Variants in ADGB observed in about 807,000 individuals in gnomAD.
The protein encoded by ADGB is calpain-7-like protein.
Under a neutral mutation model 210.5 loss-of-function variants are expected in ADGB, and 172 were observed. The ratio of observed to expected loss-of-function variants is 0.82; its 90% CI spans 0.72 to 0.93. The LOEUF (loss-of-function observed/expected upper bound fraction) is 0.93. Among genes scored for constraint, ADGB ranks in the 40% least tolerant of loss-of-function variants. The pLI, the probability that ADGB is intolerant of heterozygous loss-of-function variation, is 0.00. For missense variants in ADGB, 2,025 were observed against 1,964.8 expected (o/e 1.03, Z -0.58); for synonymous variants, 658 against 662.7 (o/e 0.99, Z 0.11).
At chr6:146,749,336 C>A (rs1225364084) in intron 26 of ADGB, among the ~76,000 whole-genome samples, 1 of 152,136 alleles carries the variant, frequency 6.6e-6, no homozygotes, top group Non-Finnish European at 1.5e-5. Context: ...TATTCTGTTA[C>A]TGCTCATGGA....
intron 1 of ADGB, among the ~76,000 whole-genome samples, chr6:146,632,582 C>T (rs1333228838): frequency 6.6e-6 from 1 of 152,136 alleles, no homozygotes; most frequent in Non-Finnish European, 1.5e-5. Flanking sequence ...TCTCAGTGTT[C>T]ACAGTTATTT....
intron 17 of ADGB, among the ~76,000 whole-genome samples, chr6:146,722,186 T>C (rs545784508): frequency 6.6e-6 from 1 of 152,210 alleles, no homozygotes; most frequent in Admixed American, 6.5e-5. Flanking sequence ...GTCCCCTACT[T>C]TCATGGTTAC....
At chr6:146,666,532 T>G (rs1395534059) in intron 6 of ADGB, among the ~76,000 whole-genome samples, 1 of 151,958 alleles carries the variant, frequency 6.6e-6, no homozygotes, top group Non-Finnish European at 1.5e-5. Flanking sequence ...TATTTCATAA[T>G]ATATAATGTG....
intron 23 of ADGB, among the ~76,000 whole-genome samples, chr6:146,736,976 T>TA (rs374482285): frequency 2.6e-5 from 4 of 151,544 alleles, no homozygotes; most frequent in Admixed American, 6.6e-5. Flanking sequence ...GATCGAACCT[T>TA]AAAAAAACTG....
chr6:146,650,394 C>T (rs1301176615), intron 3 of ADGB, among the ~76,000 whole-genome samples: 1 of 151,932 alleles, frequency 6.6e-6, no homozygotes. Context: ...TTAGAAGACT[C>T]TCCTTAACTC....
chr6:146,642,541 T>A (rs1775533242), intron 2 of ADGB, among the ~76,000 whole-genome samples: 1 of 151,598 alleles, frequency 6.6e-6, no homozygotes, highest in Admixed American at 6.6e-5. Flanking sequence ...ACACTATGGA[T>A]ACATATACAC....
intron 20 of ADGB, among the ~76,000 whole-genome samples, chr6:146,728,977 T>A (rs1776939087): frequency 6.6e-6 from 1 of 152,232 alleles, no homozygotes; most frequent in African/African-American, 2.4e-5. Flanking sequence ...GGAAATCAGC[T>A]ATGCAGGGTG....
intron 3 of ADGB, among the ~76,000 whole-genome samples, chr6:146,652,001 C>T (rs549090774): frequency 6.6e-6 from 1 of 152,260 alleles, no homozygotes; most frequent in East Asian, 1.9e-4. Flanking sequence ...CACAGAGTAA[C>T]TTACCAGACC....
chr6:146,599,981 G>C (rs1471807692), intron 1 of ADGB, among the ~76,000 whole-genome samples: 1 of 152,140 alleles, frequency 6.6e-6, no homozygotes, highest in Admixed American at 6.5e-5. Flanking sequence ...CTTGATGCCT[G>C]TTTCTCCATT....
intron 13 of ADGB, among the ~76,000 whole-genome samples, chr6:146,707,138 G>T (rs1265494048): frequency 6.6e-6 from 1 of 151,868 alleles, no homozygotes; most frequent in Non-Finnish European, 1.5e-5. Context: ...ATGTATTTGT[G>T]AATTTTCTGA....
chr6:146,803,652 G>T, intron 35 of ADGB: 2 of 1,304,036 alleles, frequency 1.5e-6, no homozygotes, highest in Admixed American at 3.5e-5. Flanking sequence ...TCAATGAAAT[G>T]ATCCTCAATC....
intron 4 of ADGB, among the ~76,000 whole-genome samples, chr6:146,654,995 T>C (rs1290487790): frequency 6.6e-6 from 1 of 152,168 alleles, no homozygotes; most frequent in Non-Finnish European, 1.5e-5. Flanking sequence ...AACCACCGTT[T>C]CTCTATCTGT....
chr6:146,760,786 C>T (rs1336435886), intron 27 of ADGB, among the ~76,000 whole-genome samples: 2 of 151,626 alleles, frequency 1.3e-5, no homozygotes, highest in East Asian at 3.9e-4. Context: ...GTTTTTAATC[C>T]ATCATTCTAG....
chr6:146,733,789 T>G, intron 21 of ADGB, 104 bp from the exon 22 acceptor site: 3 of 1,213,694 alleles, frequency 2.5e-6, no homozygotes, highest in South Asian at 2.7e-5. Context: ...ACTCTTGCAA[T>G]GTAGAATTTT....
intron 1 of ADGB, among the ~76,000 whole-genome samples, chr6:146,624,135 G>A (rs1318643354): frequency 3.3e-5 from 5 of 151,736 alleles, no homozygotes; most frequent in Non-Finnish European, 1.5e-5. Context: ...GGATATGTTA[G>A]TGGAGAATTG....
intron 35 of ADGB, among the ~76,000 whole-genome samples, chr6:146,808,159 C>T (rs1449402675): frequency 1.3e-5 from 2 of 151,996 alleles, no homozygotes; most frequent in Non-Finnish European, 2.9e-5. Context: ...GCCACCACAC[C>T]CTGCTAACTT....
chr6:146,700,640 C>T (rs1325764645), intron 12 of ADGB, among the ~76,000 whole-genome samples: 1 of 152,062 alleles, frequency 6.6e-6, no homozygotes, highest in Non-Finnish European at 1.5e-5. Flanking sequence ...TAAATCAATT[C>T]CACATATCAA....
intron 25 of ADGB, among the ~76,000 whole-genome samples, chr6:146,743,136 A>T (rs1198948326): frequency 6.6e-6 from 1 of 152,192 alleles, no homozygotes; most frequent in African/African-American, 2.4e-5. Flanking sequence ...CTTCCTTTTG[A>T]ATAGAAACAG....
chr6:146,751,627 C>A (rs1777323684), intron 26 of ADGB, among the ~76,000 whole-genome samples: 1 of 152,108 alleles, frequency 6.6e-6, no homozygotes, highest in Non-Finnish European at 1.5e-5. Flanking sequence ...TTCTCTGCAA[C>A]CTCACCAGCA....
Sources: allele counts gnomAD v4.1 joint callset (sites outside exome capture counted in the v4.1 genomes callset), GRCh38; gene constraint gnomAD v4.1.1; transcripts MANE v1.5; gene names NCBI Gene and HGNC (gene_info 2026-07-23, HGNC 2026-07-21).